Variants in ZMAT4 observed in about 807,000 individuals in gnomAD.
ZMAT4 encodes zinc finger matrin-type 4.
ZMAT4 carries 17 observed loss-of-function variants against 28.7 expected under a neutral mutation model. That is an observed-to-expected ratio of 0.59 (90% CI 0.41 to 0.89). ZMAT4 has a LOEUF of 0.89. Among genes scored for constraint, ZMAT4 ranks in the 40% least tolerant of loss-of-function variants. ZMAT4 has a pLI of 0.00. For missense variants in ZMAT4, 240 were observed against 283.8 expected, an observed-to-expected ratio of 0.85 and a Z score of 1.11; for synonymous variants, 117 against 109.2, an observed-to-expected ratio of 1.07 and a Z score of -0.44.
At chr8:40,582,373 A>C (rs370888676) in intron 5 of ZMAT4, among the ~76,000 whole-genome samples, 4 of 152,288 alleles carry the variant, frequency 2.6e-5, no homozygotes, top group African/African-American at 9.6e-5. Context: ...GGTGGCACAC[A>C]CCTGTAGTCC....
intron 5 of ZMAT4, among the ~76,000 whole-genome samples, chr8:40,584,187 T>G (rs1393562134): frequency 6.6e-6 from 1 of 152,120 alleles, no homozygotes; most frequent in Non-Finnish European, 1.5e-5. Flanking sequence ...TCCTGCCCAG[T>G]CAAGCAGTAT....
intron 5 of ZMAT4, among the ~76,000 whole-genome samples, chr8:40,594,940 A>G (rs562318455): frequency 7.9e-5 from 12 of 152,306 alleles, no homozygotes; most frequent in African/African-American, 2.4e-4. Flanking sequence ...GGAAGATACA[A>G]CATTACACGA....
intron 5 of ZMAT4, among the ~76,000 whole-genome samples, chr8:40,602,052 A>G (rs1003790608): frequency 6.6e-6 from 1 of 152,116 alleles, no homozygotes; most frequent in Non-Finnish European, 1.5e-5. Flanking sequence ...AGTACATTGT[A>G]TCATTCTTAT....
chr8:40,864,049 G>A (rs1308822334), intron 1 of ZMAT4, among the ~76,000 whole-genome samples: 3 of 152,172 alleles, frequency 2.0e-5, no homozygotes, highest in Admixed American at 2.0e-4. Context: ...TGCACTGCAT[G>A]GAATCTGATT....
chr8:40,553,199 T>G lies in ZMAT4; in HGVS notation c.675-20961A>C, dbSNP rs1022916623. Reference sequence around the variant, plus strand: ...GGCCTCCTGCCCACAGCCGTGTGAGTGCAACACCTTGGAAGCAAATCCTGC... The same window carrying G: ...GGCCTCCTGCCCACAGCCGTGTGAGGGCAACACCTTGGAAGCAAATCCTGC... On this transcript the variant is annotated intron_variant, in intron 6 of 6. Transcript: ENST00000297737. 2.0e-5 allele frequency among the ~76,000 whole-genome samples: 3 copies of G among 152,100 alleles called. No individual in the cohort carries two copies. In the South Asian group the frequency reaches 6.2e-4, roughly 32 times the overall value.
intron 2 of ZMAT4, among the ~76,000 whole-genome samples, chr8:40,802,261 C>T (rs1490831860): frequency 6.6e-6 from 1 of 152,126 alleles, no homozygotes; most frequent in Non-Finnish European, 1.5e-5. Context: ...AAAAGGTATA[C>T]CTTTTGGGAA....
At position 40,872,813 on chromosome 8, in the gene ZMAT4, G is replaced by T. The variant is rs146744461; in HGVS notation, c.-5+24870C>A. Among the ~76,000 whole-genome samples the T allele has an allele frequency of 2.0e-5, 3 of 152,234 alleles. No homozygotes were observed. The East Asian group carries it at 5.8e-4, about 29-fold the overall frequency. ...GGTGGAGGGGCCCAAAGGAGATTTT[G>T]CTTGTCTTTAGTTTTTGTTTTTAGT... On this transcript the variant is annotated intron_variant, in intron 1 of 6. Transcript: ENST00000297737.
intron 6 of ZMAT4, among the ~76,000 whole-genome samples, chr8:40,563,344 G>T (rs1012155372): frequency 1.3e-5 from 2 of 151,962 alleles, no homozygotes; most frequent in African/African-American, 4.8e-5. Flanking sequence ...CTATTAATTT[G>T]GTCTCCTCAG....
intron 2 of ZMAT4, among the ~76,000 whole-genome samples, chr8:40,823,707 G>A (rs1427099713): frequency 8.8e-5 from 8 of 91,210 alleles, no homozygotes; most frequent in Admixed American, 4.8e-4. Context: ...ACACACACAC[G>A]TGTGTGTGTG....
intron 1 of ZMAT4, among the ~76,000 whole-genome samples, chr8:40,833,024 A>G (rs1395258014): frequency 6.6e-6 from 1 of 152,190 alleles, no homozygotes; most frequent in Non-Finnish European, 1.5e-5. Context: ...CTGTGGAAAG[A>G]AAAAACTCTT....
intron 1 of ZMAT4, among the ~76,000 whole-genome samples, chr8:40,863,082 A>G (rs914942654): frequency 2.0e-5 from 3 of 152,184 alleles, no homozygotes; most frequent in Non-Finnish European, 4.4e-5. Flanking sequence ...AGCAGAGGTC[A>G]TCTGAGGGTG....
chr8:40,543,554 G>T (rs1803108940), intron 6 of ZMAT4, among the ~76,000 whole-genome samples: 1 of 152,140 alleles, frequency 6.6e-6, no homozygotes, highest in Admixed American at 6.5e-5. Flanking sequence ...TGTGGAGTGT[G>T]GTCCTGCTGG....
chr8:40,769,096 AC>A (rs1202415862), intron 2 of ZMAT4, among the ~76,000 whole-genome samples: 2 of 152,212 alleles, frequency 1.3e-5, no homozygotes, highest in Admixed American at 1.3e-4. Flanking sequence ...ATCCCTGAAC[AC>A]TTTTAAGGCC....
At chr8:40,639,289 G>A (rs1393541259) in intron 5 of ZMAT4, among the ~76,000 whole-genome samples, 3 of 152,152 alleles carry the variant, frequency 2.0e-5, no homozygotes, top group Non-Finnish European at 4.4e-5. Flanking sequence ...CTGTGCTCCA[G>A]TAAAGTTTCC....
At chr8:40,813,632 G>C (rs1029311899) in intron 2 of ZMAT4, among the ~76,000 whole-genome samples, 2 of 152,244 alleles carry the variant, frequency 1.3e-5, no homozygotes, top group African/African-American at 4.8e-5. Flanking sequence ...TTATACACGG[G>C]AGCTGGCTTT....
At chr8:40,604,089 GA>G (rs1364671364) in intron 5 of ZMAT4, among the ~76,000 whole-genome samples, 3 of 152,170 alleles carry the variant, frequency 2.0e-5, no homozygotes, top group African/African-American at 7.2e-5. Flanking sequence ...AAACTTTACT[GA>G]ATTCATTTAT....
chr8:40,884,629 T>A (rs1818392722), intron 1 of ZMAT4: 1 of 152,350 alleles, frequency 6.6e-6, no homozygotes, highest in Admixed American at 6.5e-5. Flanking sequence ...CAGCAGGATT[T>A]GACCCAGCAG....
At chr8:40,647,575 C>G (rs953926393) in intron 5 of ZMAT4, among the ~76,000 whole-genome samples, 2 of 152,176 alleles carry the variant, frequency 1.3e-5, no homozygotes, top group South Asian at 4.1e-4. Flanking sequence ...GAGCCCACCA[C>G]AGCTCAAGGA....
chr8:40,654,842 A>G (rs1158692555), intron 5 of ZMAT4, among the ~76,000 whole-genome samples: 1 of 152,142 alleles, frequency 6.6e-6, no homozygotes. Flanking sequence ...AGCTGACATC[A>G]TACTTCATAG....
Sources: allele counts gnomAD v4.1 joint callset (sites outside exome capture counted in the v4.1 genomes callset), GRCh38; gene constraint gnomAD v4.1.1; transcripts MANE v1.5; gene names NCBI Gene and HGNC (gene_info 2026-07-23, HGNC 2026-07-21).